Variants in TEKT4 observed in about 807,000 individuals in gnomAD.
The protein encoded by TEKT4 is tektin 4, also known as tektin-4.
In TEKT4, 46 loss-of-function variants were observed where a neutral mutation model predicts 46.0. That is an observed-to-expected ratio of 1.00 (90% CI 0.79 to 1.28). TEKT4 has a LOEUF of 1.28. Among genes scored for constraint, TEKT4 ranks in the 50% most tolerant of loss-of-function variants. The probability of loss-of-function intolerance (pLI) is 0.00; values close to 1 mark genes in which losing one functional copy is unlikely to be tolerated. For synonymous variants in TEKT4, 325 were observed against 265.8 expected (o/e 1.22, Z -2.17); for missense variants, 790 against 622.9 (o/e 1.27, Z -2.85).
At chr2:94,874,147 G>A (rs1680715108) in intron 3 of TEKT4, 39 bp downstream of exon 3, 1 of 1,599,084 alleles carries the variant, frequency 6.3e-7, no homozygotes, top group East Asian at 2.2e-5. Context: ...CCCTGGCTGT[G>A]GTCTCGCCTC....
rs781934154 is a variant in TEKT4, at chr2:94,871,911, C to T, written c.332C>T (p.Ala111Val). 7 of 1,597,380 alleles carry T rather than the reference C, an allele frequency of 4.4e-6. No individual in the cohort carries two copies. The highest frequency in any genetic ancestry group is 1.1e-5 in the South Asian group (1 of 89,786). ...TCGGAGCTGCAGCGTGAGATGGAGG[C>T]GCTGGCTGCGGAGACCAACTTGCTC... ...WKSELQREMEALAAETNLLLA... is the reference protein window; with the variant it reads ...WKSELQREMEVLAAETNLLLA... Residue 111 changes from alanine to valine, a missense_variant, in exon 1 of 6, where the codon GCG becomes GTG. By Grantham distance (64) the Ala-to-Val change is moderately conservative. Transcript: ENST00000295201.
intron 3 of TEKT4, 144 bp from the exon 4 acceptor site, chr2:94,874,632 C>A (rs1209431069): frequency 9.1e-6 from 7 of 768,012 alleles, no homozygotes; most frequent in Admixed American, 2.9e-5. Flanking sequence ...AGGGACTGGG[C>A]TTTGTGGGGC....
intron 4 of TEKT4, 133 bp from the exon 5 acceptor site, chr2:94,875,455 G>A (rs1404166181): frequency 5.1e-5 from 69 of 1,365,778 alleles, no homozygotes; most frequent in East Asian, 2.1e-4. Flanking sequence ...CCTCATCCAC[G>A]CCTCCCCAGG....
intron 5 of TEKT4, among the ~76,000 whole-genome samples, chr2:94,876,335 GC>G (rs1680852328): frequency 1.3e-5 from 2 of 152,148 alleles, no homozygotes; most frequent in Non-Finnish European, 2.9e-5. Context: ...GGTCGAGATT[GC>G]ACACGGGTCA....
chr2:94,872,003 G>A lies in TEKT4; in HGVS notation c.424G>A (p.Asp142Asn). 1 of 1,597,304 alleles carries A rather than the reference G, an allele frequency of 6.3e-7. No individual in the cohort carries two copies. Among genetic ancestry groups the A allele is most frequent in the East Asian group, 2.3e-5 (1 of 44,180 alleles). ...ATEVPFSITTDNLQCRERREH... is the reference protein window; with the variant it reads ...ATEVPFSITTNNLQCRERREH... The stretch of plus-strand genomic sequence containing the variant: ...AGAGGTGCCCTTCTCCATCACCACT[G>A]ACAACCTGCAGTGCCGTGAGCGCCG... Residue 142 changes from aspartate (D) to asparagine (N), a missense_variant, in exon 1 of 6, where the codon GAC becomes AAC. By Grantham distance (23) the Asp-to-Asn change is conservative (BLOSUM62 1). Transcript: ENST00000295201.
In TEKT4 at chr2:94,875,661, C is replaced by G; in HGVS notation, c.1010C>G (p.Pro337Arg). 3.7e-6 allele frequency: 6 copies of G among 1,614,172 alleles called. No individual in the cohort carries two copies. The highest frequency in any genetic ancestry group is 5.1e-6 in the Non-Finnish European group (6 of 1,180,002). ...CAGGCCATCAAGGACAAAGAGGCAC[C>G]TCTGCACGTAGCCCAGACCCGGCTG... ...LKQAIKDKEAPLHVAQTRLYL... is the reference protein window; with the variant it reads ...LKQAIKDKEARLHVAQTRLYL... Residue 337 changes from proline (P) to arginine (R), a missense_variant, in exon 5 of 6, where the codon CCT (proline) becomes CGT (arginine). Pro to Arg is a moderately radical substitution (Grantham distance 103). Coordinates refer to ENST00000295201, the MANE Select transcript of TEKT4 (RefSeq NM_144705.4).
intron 1 of TEKT4, 150 bp from the exon 2 acceptor site, chr2:94,873,370 G>A (rs1351512526): frequency 1.3e-6 from 2 of 1,490,416 alleles, no homozygotes; most frequent in Admixed American, 4.7e-5. Context: ...GATAAACCCA[G>A]TGAGAGAGCA....
At chr2:94,875,785 AC>A in intron 5 of TEKT4, 43 bp downstream of exon 5, 2 of 1,589,528 alleles carry the variant, frequency 1.3e-6, no homozygotes, top group Non-Finnish European at 1.7e-6. Context: ...GGCCCTGTCC[AC>A]CTCCTCCCTG....
At chr2:94,874,222 G>A in intron 3 of TEKT4, 114 bp downstream of exon 3, 2 of 1,156,746 alleles carry the variant, frequency 1.7e-6, no homozygotes, top group Non-Finnish European at 1.2e-6. Context: ...TCGCCCCCGA[G>A]GGCACTTGGG....
intron 1 of TEKT4, 102 bp from the exon 2 acceptor site, chr2:94,873,418 T>A: frequency 6.3e-7 from 1 of 1,589,128 alleles, no homozygotes; most frequent in Non-Finnish European, 8.6e-7. Flanking sequence ...GGCATTCAAC[T>A]CCTTGTGGTT....
At chr2:94,872,586 C>A (rs1558604709) in intron 1 of TEKT4, 9 of 327,710 alleles carry the variant, frequency 2.7e-5, no homozygotes, top group South Asian at 2.4e-4. Flanking sequence ...TGTGGGGCAG[C>A]CCCACAGGGT....
In TEKT4 at chr2:94,875,544, C is replaced by T. The variant is rs782069896; in HGVS notation, c.937-44C>T. ...GCCTGGTCTCGGCGTTCTATATACC[C>T]GGGCATGGGGGCACAGGCCCAAGGA... On this transcript the variant is annotated intron_variant, in intron 4 of 5. Transcript: ENST00000295201. The T allele has an allele frequency of 5.8e-5, 93 of 1,611,226 alleles. No individual in the cohort carries two copies. In the Middle Eastern group the frequency reaches 3.7e-3, roughly 65 times the overall value.
In TEKT4 at chr2:94,875,645, A is replaced by G. The variant is rs782300392; in HGVS notation, c.994A>G (p.Lys332Glu). The change falls in exon 5 of 6, where the codon AAG becomes GAG. Residue 332 changes from lysine to glutamate, a missense_variant. Transcript: ENST00000295201. ...HNVAALKQAI[K>E]DKEAPLHVAQ... Reference sequence around the variant, plus strand: ...CGTGGCGGCACTGAAGCAGGCCATCAAGGACAAAGAGGCACCTCTGCACGT... The same window carrying G: ...CGTGGCGGCACTGAAGCAGGCCATCGAGGACAAAGAGGCACCTCTGCACGT... The G allele has an allele frequency of 2.5e-6, 4 of 1,614,056 alleles. No homozygotes were observed. Among genetic ancestry groups the G allele is most frequent in the Admixed American group, 1.7e-5 (1 of 60,004 alleles).
Position 94,874,851 on chromosome 2 carries a change from G to A in TEKT4, c.789G>A (p.Ser263=), listed in dbSNP as rs201565255. ...LCRAQRERLA[S]ANLRVLVDCI... is the part of the protein sequence containing the mutation. ...GTGCCCAGCGCGAGCGCCTGGCCTC[G>A]GCCAACCTGCGGGTGCTGGTGGACT... Residue 263 remains serine, a synonymous_variant, in exon 4 of 6, where the codon TCG becomes TCA. Transcript: ENST00000295201. 4.5e-5 allele frequency: 72 copies of A among 1,607,966 alleles called. No individual in the cohort carries two copies. Among genetic ancestry groups the A allele is most frequent in the Admixed American group, 1.8e-4 (11 of 59,492 alleles).
chr2:94,874,410 G>A (rs1402531389), intron 3 of TEKT4, among the ~76,000 whole-genome samples: 3 of 152,068 alleles, frequency 2.0e-5, no homozygotes, highest in East Asian at 1.9e-4. Flanking sequence ...ACTAGAGGGC[G>A]GCAAACTCCT....
Position 94,875,387 on chromosome 2 carries a change from G to A in TEKT4, c.937-201G>A, listed in dbSNP as rs540749420. On this transcript the variant is annotated intron_variant, in intron 4 of 5. Transcript: ENST00000295201. ...ATGGGGGTTCTTGGACCACAGCTAAGGGACAACAGGCTTCCTGACTCTCCA... is the reference window on the plus strand; with the variant it reads ...ATGGGGGTTCTTGGACCACAGCTAAAGGACAACAGGCTTCCTGACTCTCCA... 2.6e-5 allele frequency among the ~76,000 whole-genome samples: 4 copies of A among 152,284 alleles called. No individual in the cohort carries two copies. The South Asian group carries it at 6.2e-4, about 24-fold the overall frequency.
intron 5 of TEKT4, 113 bp downstream of exon 5, chr2:94,875,855 A>T (rs1680826083): frequency 9.0e-7 from 1 of 1,117,116 alleles, no homozygotes; most frequent in Non-Finnish European, 1.3e-6. Flanking sequence ...AGGTGCTGAG[A>T]GGGGAGGGAG....
rs868918107 is a variant in TEKT4 at position 94,873,939 on chromosome 2, C to A, written c.570-26C>A. 6.8e-6 allele frequency: 11 copies of A among 1,612,358 alleles called. 2 individuals are homozygous for A. In the Middle Eastern group the frequency reaches 1.8e-3, roughly 266 times the overall value. ...AGCAGGGCCCTCCCTGGGCACACAT[C>A]AAGGCCCTGCCCCACCCCGCCCCAG... On this transcript the variant is annotated intron_variant, in intron 2 of 5. Coordinates refer to ENST00000295201, the MANE Select transcript of TEKT4 (RefSeq NM_144705.4).
chr2:94,871,936 C>T lies in TEKT4; in HGVS notation c.357C>T (p.Leu119=). ...CGCTGGCTGCGGAGACCAACTTGCT[C>T]CTGGCCCAGAAGCAACGGCTGGAGC... ...MEALAAETNL[L]LAQKQRLERA... is the part of the protein sequence containing the mutation. The change falls in exon 1 of 6, where the codon CTC becomes CTT. Residue 119 remains leucine, a synonymous_variant. Transcript: ENST00000295201. 4 of 1,600,302 alleles carry T rather than the reference C, an allele frequency of 2.5e-6. No homozygotes were observed. The highest frequency in any genetic ancestry group is 3.4e-6 in the Non-Finnish European group (4 of 1,177,570).
Sources: gnomAD v4.1 joint callset for allele counts (sites outside exome capture counted in the v4.1 genomes callset) on GRCh38, gnomAD v4.1.1 for gene constraint, MANE v1.5 for transcripts, NCBI Gene and HGNC (gene_info 2026-07-23, HGNC 2026-07-21) for gene names.